The following ARHGEF18 variants were observed in gnomAD, a reference collection of about 807,000 sequenced individuals.
ARHGEF18 encodes the protein Rho/Rac guanine nucleotide exchange factor 18.
Under a neutral mutation model 155.7 loss-of-function variants are expected in ARHGEF18, and 93 were observed. That is an observed-to-expected ratio of 0.60 (90% CI 0.50 to 0.71). ARHGEF18 has a LOEUF of 0.71. ARHGEF18 is among the 30% of genes least tolerant of loss of function. ARHGEF18 has a pLI of 0.00. For missense variants in ARHGEF18, 1,593 were observed against 1,816.1 expected (o/e 0.88, Z 2.23); for synonymous variants, 742 against 753.1 (o/e 0.99, Z 0.24).
At chr19:7,354,811 G>T (rs1236088489) in intron 1 of ARHGEF18, among the ~76,000 whole-genome samples, 1 of 152,016 alleles carries the variant, frequency 6.6e-6, no homozygotes, top group Non-Finnish European at 1.5e-5. Context: ...GAGGCCGGAG[G>T]ATCCCTTGAG....
At chr19:7,435,647 G>A (rs61242683) in intron 10 of ARHGEF18, among the ~76,000 whole-genome samples, 61,216 of 151,890 alleles carry the variant, frequency 0.4, 12,983 homozygotes, top group East Asian at 0.6. Context: ...AAACTGGCCT[G>A]GGAGGGGCTG....
At chr19:7,426,575 A>G (rs1280953370) in intron 10 of ARHGEF18, among the ~76,000 whole-genome samples, 2 of 151,872 alleles carry the variant, frequency 1.3e-5, no homozygotes, top group Non-Finnish European at 2.9e-5. Context: ...ACGTCTAGTG[A>G]TTTGGGCACC....
rs932184375 is a variant in ARHGEF18 at position 7,405,833 on chromosome 19, G to A, written c.967+22630G>A. 3.3e-5 allele frequency among the ~76,000 whole-genome samples: 5 copies of A among 150,720 alleles called. No homozygotes were observed. The East Asian group carries it at 9.8e-4, about 29-fold the overall frequency. ...GATGGGGTTCCACCATATTGCCCAG[G>A]CTGGTCTTAAACTCTTGGGCTCAAG... On this transcript the variant is annotated intron_variant, in intron 10 of 28. Transcript: ENST00000668164.
At position 7,443,161 on chromosome 19, in the gene ARHGEF18, A is replaced by G. The variant is rs146112183; in HGVS notation, c.1361-1043A>G. On this transcript the variant is annotated intron_variant, in intron 13 of 28. Transcript: ENST00000668164. The stretch of plus-strand genomic sequence containing the variant: ...CACCTCCACCTCCCGGGTTCAAGCA[A>G]TTCTCCTGCCTCAGCCTTCCAAATA... Among the ~76,000 whole-genome samples the G allele has an allele frequency of 1.1e-3, 158 of 147,692 alleles. 2 individuals carry two copies. Among genetic ancestry groups the G allele is most frequent in the Middle Eastern group, 3.8e-3 (1 of 266 alleles).
At chr19:7,393,047 CAAAAAA>C (rs60015151) in intron 10 of ARHGEF18, among the ~76,000 whole-genome samples, 6 of 56,684 alleles carry the variant, frequency 1.1e-4, no homozygotes, top group East Asian at 8.4e-4. Context: ...GATCCTGTCT[CAAAAAA>C]AAAAAAAAAA....
intron 2 of ARHGEF18, among the ~76,000 whole-genome samples, chr19:7,369,126 A>G (rs1970076820): frequency 6.6e-6 from 1 of 151,952 alleles, no homozygotes; most frequent in South Asian, 2.1e-4. Context: ...TCAGGAGTTC[A>G]AGAGCAGCCT....
At chr19:7,466,804 CAAAAAAAAAAA>C (rs965666634) in intron 23 of ARHGEF18, 103 bp from the exon 24 acceptor site, 6 of 496,004 alleles carry the variant, frequency 1.2e-5, no homozygotes, top group Admixed American at 4.7e-5. Flanking sequence ...AATTCCGTCT[CAAAAAAAAAAA>C]AAAAAAAAAA....
intron 26 of ARHGEF18, 72 bp downstream of exon 26, chr19:7,467,756 C>CA: frequency 7.3e-7 from 1 of 1,377,284 alleles, no homozygotes; most frequent in Non-Finnish European, 9.4e-7. Context: ...CGAGTGCATG[C>CA]AGGTGACAGG....
intron 10 of ARHGEF18, among the ~76,000 whole-genome samples, chr19:7,387,643 C>G (rs1971160203): frequency 6.6e-6 from 1 of 152,042 alleles, no homozygotes; most frequent in Non-Finnish European, 1.5e-5. Context: ...TTATGTATCA[C>G]CTTCGGTGGT....
At chr19:7,374,371 G>A (rs1400263422) in intron 3 of ARHGEF18, among the ~76,000 whole-genome samples, 2 of 151,994 alleles carry the variant, frequency 1.3e-5, no homozygotes, top group Non-Finnish European at 2.9e-5. Context: ...GCATGCACAA[G>A]CCCAAACTGA....
At chr19:7,361,696 A>T (rs1222272566) in intron 1 of ARHGEF18, among the ~76,000 whole-genome samples, 1 of 151,982 alleles carries the variant, frequency 6.6e-6, no homozygotes, top group African/African-American at 2.4e-5. Flanking sequence ...TCAGCCCTAA[A>T]ACAAATAAAG....
At chr19:7,408,097 G>A (rs1251816446) in intron 10 of ARHGEF18, among the ~76,000 whole-genome samples, 3 of 152,002 alleles carry the variant, frequency 2.0e-5, no homozygotes, top group East Asian at 3.9e-4. Context: ...TGGGTAACGT[G>A]GTGAAACCCC....
chr19:7,372,733 C>G, intron 2 of ARHGEF18, 79 bp from the exon 3 acceptor site: 2 of 1,215,088 alleles, frequency 1.6e-6, no homozygotes, highest in Non-Finnish European at 2.1e-6. Flanking sequence ...GGAGCAGGGA[C>G]CTTGTGGTCA....
chr19:7,414,337 CAA>C, intron 10 of ARHGEF18, among the ~76,000 whole-genome samples: 1 of 152,266 alleles, frequency 6.6e-6, no homozygotes, highest in East Asian at 1.9e-4. Flanking sequence ...TGTGAGGAAA[CAA>C]CTTCGGGGTT....
intron 18 of ARHGEF18, among the ~76,000 whole-genome samples, chr19:7,457,657 C>T (rs976202534): frequency 2.6e-5 from 4 of 152,072 alleles, no homozygotes; most frequent in Admixed American, 2.6e-4. Flanking sequence ...GCCACCACAC[C>T]CGCACATTAA....
intron 24 of ARHGEF18, 39 bp from the exon 25 acceptor site, chr19:7,467,032 G>A: frequency 6.2e-7 from 1 of 1,611,320 alleles, no homozygotes; most frequent in Non-Finnish European, 8.5e-7. Flanking sequence ...TGTGGCCTCA[G>A]CCCGATAACT....
intron 10 of ARHGEF18, among the ~76,000 whole-genome samples, chr19:7,411,020 G>C (rs563881649): frequency 2.0e-5 from 3 of 152,024 alleles, no homozygotes; most frequent in Non-Finnish European, 4.4e-5. Flanking sequence ...TGCTTTTTCA[G>C]CATCTGCAAT....
chr19:7,440,359 A>G lies in ARHGEF18; in HGVS notation c.983A>G (p.His328Arg). ...TCTGTCACAGCCTCGCTCAAGGAGC[A>G]CCCCCGGGGCACCCTCCTGTCCGAT... ...PFLSSASLKE[H>R]PRGTLLSDGS... Residue 328 changes from histidine to arginine, a missense_variant, in exon 11 of 29, where the codon CAC (histidine) becomes CGC (arginine). By Grantham distance (29) the His-to-Arg change is conservative. Coordinates refer to ENST00000668164, the MANE Select transcript of ARHGEF18 (RefSeq NM_001367823.1). The surrounding 1 kb of genome is among the most constrained non-coding windows in gnomAD (Gnocchi z 5.4). 1.2e-6 allele frequency: 2 copies of G among 1,612,420 alleles called. No individual in the cohort carries two copies. The highest frequency in any genetic ancestry group is 1.7e-6 in the Non-Finnish European group (2 of 1,179,898).
At chr19:7,433,989 A>C (rs1156243962) in intron 10 of ARHGEF18, among the ~76,000 whole-genome samples, 1 of 150,452 alleles carries the variant, frequency 6.6e-6, no homozygotes, top group Non-Finnish European at 1.5e-5. Context: ...ACTGCACTCC[A>C]ACCTGGGCGA....
Sources: gnomAD v4.1 joint callset for allele counts (sites outside exome capture counted in the v4.1 genomes callset) on GRCh38, gnomAD v4.1.1 for gene constraint, Gnocchi (gnomAD v3.1) non-coding constraint, MANE v1.5 for transcripts, NCBI Gene and HGNC (gene_info 2026-07-23, HGNC 2026-07-21) for gene names.